The following UCHL5 variants were observed in gnomAD, a reference collection of about 807,000 sequenced individuals.
UCHL5 encodes ubiquitin carboxyl-terminal hydrolase isozyme L5.
In UCHL5, 34 loss-of-function variants were observed where a neutral mutation model predicts 53.8. That is an observed-to-expected ratio of 0.63 (90% CI 0.48 to 0.84). The LOEUF (loss-of-function observed/expected upper bound fraction) is 0.84, where lower values mean the gene tolerates loss of function less well. Among genes scored for constraint, UCHL5 ranks in the 40% least tolerant of loss-of-function variants. The pLI is 0.00. For missense variants in UCHL5, 290 were observed against 385.6 expected, an observed-to-expected ratio of 0.75 and a Z score of 2.08; for synonymous variants, 111 against 126.3, an observed-to-expected ratio of 0.88 and a Z score of 0.81.
At chr1:193,059,404 C>T (rs1255492346), upstream of UCHL5, 1 of 1,609,972 alleles carries the variant, frequency 6.2e-7, no homozygotes, top group Non-Finnish European at 8.5e-7. The surrounding 1 kb of genome is among the most constrained non-coding windows in gnomAD (Gnocchi z 4.9). Context: ...AGCCTCCGGG[C>T]GCCGTCACCT....
At chr1:193,054,830 G>A (rs1032096940) in intron 1 of UCHL5, among the ~76,000 whole-genome samples, 4 of 152,092 alleles carry the variant, frequency 2.6e-5, no homozygotes, top group Non-Finnish European at 5.9e-5. Flanking sequence ...CCTAACTTAC[G>A]GGTCAGAGTT....
chr1:193,033,839 G>C (rs1252685505), intron 3 of UCHL5, among the ~76,000 whole-genome samples: 8 of 152,092 alleles, frequency 5.3e-5, no homozygotes, highest in Non-Finnish European at 1.2e-4. Context: ...TTGAAAGCTT[G>C]GTAGGAACTA....
chr1:193,049,967 G>A, intron 2 of UCHL5, 116 bp from the exon 3 acceptor site: 2 of 888,488 alleles, frequency 2.3e-6, no homozygotes, highest in Non-Finnish European at 3.2e-6. Context: ...AAGTAAATAT[G>A]GGAAATTTTT....
At chr1:193,043,012 C>G (rs1666107829) in intron 3 of UCHL5, among the ~76,000 whole-genome samples, 1 of 151,850 alleles carries the variant, frequency 6.6e-6, no homozygotes, top group Non-Finnish European at 1.5e-5. Flanking sequence ...TTTCCCCTTC[C>G]TCCTGTCTGA....
In UCHL5 at chr1:193,016,411, A is replaced by C. The variant is rs772677506; in HGVS notation, c.943-16T>G. 48 of 1,600,182 alleles carry C rather than the reference A, an allele frequency of 3.0e-5. No homozygotes were observed. Among genetic ancestry groups the C allele is most frequent in the Non-Finnish European group, 4.1e-5 (48 of 1,175,282 alleles). ...TTTCTTTTGCCTAAAAATTAAAAAT[A>C]GTATGTTACAAAATTTTAAAAGTCA... On this transcript the variant is annotated splice_polypyrimidine_tract_variant and intron_variant, in intron 10 of 10. Transcript: ENST00000367454.
At position 193,012,318 on chromosome 1, in the gene UCHL5, A is replaced by T. The variant is rs997576291; in HGVS notation, c.*4033T>A. ...TGCTACAAGAAAGAATCAAAGAAGC[A>T]TATTACATAAAATATATGGATAAGC... On this transcript the variant is annotated 3_prime_UTR_variant, in exon 11 of 11. Coordinates refer to ENST00000367454, the MANE Select transcript of UCHL5 (RefSeq NM_001199261.3). 2 of 152,224 alleles carry T rather than the reference A, an allele frequency of 1.3e-5. No homozygotes were observed. The highest frequency in any genetic ancestry group is 1.3e-4 in the Admixed American group (2 of 15,284). The allele number at this position is 152,224 out of a possible 1,614,324, so 9.4% of individuals were successfully genotyped here. A position where few individuals can be genotyped will look rare whatever the true frequency, so the allele number is the denominator to read the frequency against.
chr1:193,013,481 G>A lies in UCHL5; in HGVS notation c.*2870C>T, dbSNP rs199809265. 1.2e-4 allele frequency: 18 copies of A among 152,172 alleles called. No homozygotes were observed. In the East Asian group the frequency reaches 3.3e-3, roughly 28 times the overall value. The allele number at this position is 152,172 out of a possible 1,614,324, so 9.4% of individuals were successfully genotyped here. On this transcript the variant is annotated 3_prime_UTR_variant, in exon 11 of 11. Coordinates refer to ENST00000367454, the MANE Select transcript of UCHL5 (RefSeq NM_001199261.3). ...TTCAGACTATGGGGAGGGCAAGCAA[G>A]ACTAACACACAAAAACATATGTGTA...
At chr1:193,051,332 T>G (rs895871322) in intron 2 of UCHL5, among the ~76,000 whole-genome samples, 1 of 152,256 alleles carries the variant, frequency 6.6e-6, no homozygotes, top group South Asian at 2.1e-4. Flanking sequence ...CCAGAGGTAA[T>G]GTGATAGTGT....
chr1:193,036,340 A>AAAAAAAAG (rs1663439966), intron 3 of UCHL5, among the ~76,000 whole-genome samples: 1 of 148,922 alleles, frequency 6.7e-6, no homozygotes, highest in African/African-American at 2.5e-5. Flanking sequence ...AAAAAAAAAA[A>AAAAAAAAG]AAGAACAGGA....
rs971758124 is a variant in UCHL5 at position 193,014,758 on chromosome 1, C to T, written c.*1593G>A. ...TGTCGAAATCAAGTGATCATATAAA[C>T]GTTGATCTGTTTTCAGGCTCTCTCT... On this transcript the variant is annotated 3_prime_UTR_variant, in exon 11 of 11. Coordinates refer to ENST00000367454, the MANE Select transcript of UCHL5 (RefSeq NM_001199261.3). 2.6e-5 allele frequency: 4 copies of T among 152,052 alleles called. No individual in the cohort carries two copies. The highest frequency in any genetic ancestry group is 7.2e-5 in the African/African-American group (3 of 41,440). 9.4% of individuals were successfully genotyped at this position (152,052 alleles called of 1,614,324 possible).
chr1:193,056,577 T>C (rs1419335679), intron 1 of UCHL5, among the ~76,000 whole-genome samples: 2 of 152,198 alleles, frequency 1.3e-5, no homozygotes, highest in African/African-American at 4.8e-5. Context: ...GTGTGGACCA[T>C]ACCAATTAAA....
chr1:193,015,946 A>AT lies in UCHL5; in HGVS notation c.*404dup, dbSNP rs1307863033. On this transcript the variant is annotated 3_prime_UTR_variant, in exon 11 of 11. Transcript: ENST00000367454. The stretch of plus-strand genomic sequence containing the variant: ...TTAGATATCAAAGATAGAAATACTG[A>AT]TTTTTTTTCCGTTAATGATGAGAAG... The AT allele has an allele frequency of 1.9e-5, 3 of 162,036 alleles. No individual in the cohort carries two copies. The highest frequency in any genetic ancestry group is 1.8e-4 in the East Asian group (1 of 5,592). 10.0% of individuals were successfully genotyped at this position (162,036 alleles called of 1,614,324 possible).
chr1:193,038,199 G>A (rs1430084441), intron 3 of UCHL5, among the ~76,000 whole-genome samples: 1 of 152,188 alleles, frequency 6.6e-6, no homozygotes, highest in African/African-American at 2.4e-5. Flanking sequence ...GCTCACGCCT[G>A]TAATCACAGC....
chr1:193,040,247 T>C lies in UCHL5; in HGVS notation c.246+9499A>G, dbSNP rs557396997. Among the ~76,000 whole-genome samples the C allele has an allele frequency of 2.6e-5, 4 of 152,200 alleles. No homozygotes were observed. In the East Asian group the frequency reaches 7.7e-4, roughly 29 times the overall value. ...GGAGAAAATATTTGCAAACTACCCA[T>C]CTTATAAAGGATTAACGACCAGGAT... On this transcript the variant is annotated intron_variant, in intron 3 of 10. Transcript: ENST00000367454.
rs1208058810 is a variant in UCHL5 at position 193,013,722 on chromosome 1, G to GC, written c.*2628dup. Reference sequence around the variant, plus strand: ...GCATCTTGAAATGTTAACGTTACAGGCAACTAGGAGGATTAATTGAAAGTA... The same window carrying GC: ...GCATCTTGAAATGTTAACGTTACAGGCCAACTAGGAGGATTAATTGAAAGTA... On this transcript the variant is annotated 3_prime_UTR_variant, in exon 11 of 11. Coordinates refer to ENST00000367454, the MANE Select transcript of UCHL5 (RefSeq NM_001199261.3). 2.6e-5 allele frequency: 4 copies of GC among 152,030 alleles called. No individual in the cohort carries two copies. The highest frequency in any genetic ancestry group is 1.3e-4 in the Admixed American group (2 of 15,242). 9.4% of individuals were successfully genotyped at this position (152,030 alleles called of 1,614,324 possible).
intron 3 of UCHL5, among the ~76,000 whole-genome samples, chr1:193,046,515 A>G (rs1444131343): frequency 6.6e-6 from 1 of 152,034 alleles, no homozygotes; most frequent in Non-Finnish European, 1.5e-5. Context: ...CTGACTAGCT[A>G]CATAACATGA....
intron 10 of UCHL5, among the ~76,000 whole-genome samples, chr1:193,017,000 T>A (rs940043735): frequency 6.6e-6 from 1 of 151,834 alleles, no homozygotes; most frequent in Non-Finnish European, 1.5e-5. Context: ...ATAGATGTTA[T>A]CAAGCTTGAC....
chr1:193,029,133 T>C (rs1459667250), intron 6 of UCHL5, 46 bp downstream of exon 6: 5 of 1,593,734 alleles, frequency 3.1e-6, no homozygotes, highest in Non-Finnish European at 4.3e-6. Context: ...ACCCAACAGA[T>C]TTTCCCCTGT....
chr1:193,058,974 CCTCGTGGTGTGGCTCTACAAATTA>C (rs1182082476), intron 1 of UCHL5, among the ~76,000 whole-genome samples, 187 bp downstream of exon 1: 2 of 152,214 alleles, frequency 1.3e-5, no homozygotes, highest in Non-Finnish European at 2.9e-5. Context: ...CGATCCTTGC[CCTCGTGGTGTGGCTCTACAAATTA>C]CTGTGGAAAC....
Sources: gnomAD v4.1 joint callset for allele counts (sites outside exome capture counted in the v4.1 genomes callset) on GRCh38, gnomAD v4.1.1 for gene constraint, Gnocchi (gnomAD v3.1) non-coding constraint, MANE v1.5 for transcripts, NCBI Gene and HGNC (gene_info 2026-07-23, HGNC 2026-07-21) for gene names.